The following GRK5 variants were observed in gnomAD, a reference collection of about 807,000 sequenced individuals.
GRK5 encodes the protein g protein-coupled receptor kinase GRK5.
A neutral mutation model predicts 78.4 loss-of-function variants in GRK5; 40 were observed. The ratio of observed to expected loss-of-function variants is 0.51; its 90% CI spans 0.40 to 0.66. GRK5 has a LOEUF of 0.66. GRK5 is among the 30% of genes least tolerant of loss of function. The pLI, the probability that GRK5 is intolerant of heterozygous loss-of-function variation, is 0.00. For missense variants in GRK5, 598 were observed against 759.9 expected (o/e 0.79, Z 2.50); for synonymous variants, 289 against 296.8 (o/e 0.97, Z 0.27).
intron 1 of GRK5, among the ~76,000 whole-genome samples, chr10:119,241,212 C>T (rs562212575): frequency 3.5e-4 from 53 of 152,254 alleles, no homozygotes; most frequent in African/African-American, 1.2e-3. Context: ...CATCTATCCC[C>T]GGGGCTTCTG....
chr10:119,323,897 T>A (rs917902427), intron 1 of GRK5, among the ~76,000 whole-genome samples: 10 of 152,140 alleles, frequency 6.6e-5, no homozygotes, highest in Admixed American at 1.3e-4. Flanking sequence ...TTCTTGTGCC[T>A]TTGTGTCCTC....
intron 1 of GRK5, among the ~76,000 whole-genome samples, chr10:119,290,229 C>T (rs1345122798): frequency 2.6e-5 from 4 of 151,772 alleles, no homozygotes; most frequent in Admixed American, 2.6e-4. Flanking sequence ...TGCCTGTAGT[C>T]CCGGTGACTC....
At chr10:119,250,517 AT>A (rs5788333) in intron 1 of GRK5, among the ~76,000 whole-genome samples, 100 of 136,026 alleles carry the variant, frequency 7.4e-4, no homozygotes, top group African/African-American at 2.4e-3. Flanking sequence ...CCTCATTTAA[AT>A]TTTTTTTTTT....
At chr10:119,306,471 G>A (rs544275817) in intron 1 of GRK5, among the ~76,000 whole-genome samples, 1 of 152,286 alleles carries the variant, frequency 6.6e-6, no homozygotes, top group South Asian at 2.1e-4. Flanking sequence ...GAGCCACTGA[G>A]CCATTCCAGG....
At chr10:119,354,030 T>A in intron 2 of GRK5, among the ~76,000 whole-genome samples, 1 of 151,454 alleles carries the variant, frequency 6.6e-6, no homozygotes, top group East Asian at 1.9e-4. Context: ...TGGGGATGTT[T>A]GATATATATG....
intron 1 of GRK5, among the ~76,000 whole-genome samples, chr10:119,285,228 G>T (rs1277333862): frequency 6.6e-6 from 1 of 152,178 alleles, no homozygotes; most frequent in South Asian, 2.1e-4. Context: ...CTTTGGTGGA[G>T]GTAGGGGGAG....
In GRK5 at chr10:119,452,651, C is replaced by G; in HGVS notation, c.1405-20C>G. On this transcript the variant is annotated intron_variant, in intron 13 of 15. Transcript: ENST00000392870. This position sits in a 1 kb window ranked among gnomAD's most constrained non-coding sequence, Gnocchi z 4.4. ...GCCGCAGGCGGGACATATGTGTGAC[C>G]GGCCCTCTGCCCCTGGCAGCCCCGC... is the stretch of plus-strand genomic sequence containing the variant. The G allele has an allele frequency of 6.2e-7, 1 of 1,613,500 alleles. No homozygotes were observed. Among genetic ancestry groups the G allele is most frequent in the Non-Finnish European group, 8.5e-7 (1 of 1,179,908 alleles).
chr10:119,307,559 A>T (rs1036089336), intron 1 of GRK5, among the ~76,000 whole-genome samples: 30 of 152,100 alleles, frequency 2.0e-4, no homozygotes, highest in African/African-American at 6.3e-4. Flanking sequence ...CAAGGAATAG[A>T]GGTGGCCTGT....
At chr10:119,223,344 G>GAAATAAAGTCACATTC (rs2133712855) in intron 1 of GRK5, among the ~76,000 whole-genome samples, 1 of 152,296 alleles carries the variant, frequency 6.6e-6, no homozygotes, top group Admixed American at 6.5e-5. Flanking sequence ...GGTACCGGGG[G>GAAATAAAGTCACATTC]TTAGGACTTC....
intron 1 of GRK5, among the ~76,000 whole-genome samples, chr10:119,230,769 T>C (rs917683340): frequency 2.1e-5 from 3 of 139,572 alleles, no homozygotes; most frequent in Non-Finnish European, 4.5e-5. Context: ...CCAGGGATGC[T>C]GCAGTGAGCT....
intron 1 of GRK5, among the ~76,000 whole-genome samples, chr10:119,219,388 A>T (rs1301856083): frequency 6.6e-6 from 1 of 152,190 alleles, no homozygotes; most frequent in Non-Finnish European, 1.5e-5. Flanking sequence ...TCTTTGCAAC[A>T]TTTTGGATTT....
chr10:119,361,314 G>C (rs1270962842), intron 2 of GRK5, among the ~76,000 whole-genome samples: 1 of 152,214 alleles, frequency 6.6e-6, no homozygotes, highest in Non-Finnish European at 1.5e-5. Flanking sequence ...TGGATGTCTG[G>C]TGGTCTTCGC....
Position 119,380,907 on chromosome 10 carries a change from ATTC to A in GRK5, c.242_244del (p.Ile81_Gln82delinsLys). ...AACCAGGCCTGGGCTGGAGTGTTAC[ATTC>A]AGTTCCTGGACTCCGTGGTAAGTTC... On this transcript the variant is annotated inframe_deletion, in exon 3 of 16. Coordinates refer to ENST00000392870, the MANE Select transcript of GRK5 (RefSeq NM_005308.3). 1 of 1,611,826 alleles carries A rather than the reference ATTC, an allele frequency of 6.2e-7. No homozygotes were observed. The highest frequency in any genetic ancestry group is 1.1e-5 in the South Asian group (1 of 91,002).
intron 4 of GRK5, among the ~76,000 whole-genome samples, chr10:119,400,098 G>C (rs7908252): frequency 0.85 from 128,949 of 152,276 alleles, 54,897 homozygotes; most frequent in East Asian, 1. Flanking sequence ...GAGTCCGTTG[G>C]CCTCACCTGG....
rs1322577678 is a variant in GRK5 at position 119,455,054 on chromosome 10, C to G, written c.1760C>G (p.Thr587Ser). 1 of 1,613,580 alleles carries G rather than the reference C, an allele frequency of 6.2e-7. No individual in the cohort carries two copies. The change falls in exon 16 of 16, where the codon ACC becomes AGC. Residue 587 changes from threonine (T) to serine (S), a missense_variant. Physicochemically the swap from Thr to Ser is moderately conservative, Grantham distance 58. Coordinates refer to ENST00000392870, the MANE Select transcript of GRK5 (RefSeq NM_005308.3). The stretch of plus-strand genomic sequence containing the variant: ...TCAAACCATGTCAGCTCGAACTCCA[C>G]CGGAAGCAGCTAGTTTCGGCTCTGG... ...INSNHVSSNS[T>S]GSS
In GRK5 at chr10:119,412,328, C is replaced by A. The variant is rs1044198005; in HGVS notation, c.340-10838C>A. Among the ~76,000 whole-genome samples, 2 of 152,196 alleles carry A rather than the reference C, an allele frequency of 1.3e-5. No homozygotes were observed. Among genetic ancestry groups the A allele is most frequent in the African/African-American group, 4.8e-5 (2 of 41,456 alleles). ...TGGCAGGGCTGTGCCTGGCACGGTG[C>A]CCGGGCCGTGCAGTCCATCGCCTGG... On this transcript the variant is annotated intron_variant, in intron 4 of 15. Coordinates refer to ENST00000392870, the MANE Select transcript of GRK5 (RefSeq NM_005308.3). The surrounding 1 kb of genome is among the most constrained non-coding windows in gnomAD (Gnocchi z 4.3).
At chr10:119,339,187 G>A (rs2133781501) in intron 2 of GRK5, among the ~76,000 whole-genome samples, 1 of 152,306 alleles carries the variant, frequency 6.6e-6, no homozygotes, top group South Asian at 2.1e-4. Flanking sequence ...CAGTCAGCAG[G>A]TGTGAGAAGG....
rs550153038 is a variant in GRK5, at chr10:119,379,268, A to G, written c.149-1547A>G. ...CCGTCCGCAGTTTACAGACTAGACA[A>G]CTGAGGGGCAGTGTCAAGCCTGTTG... On this transcript the variant is annotated intron_variant, in intron 2 of 15. Transcript: ENST00000392870. This position sits in a 1 kb window ranked among gnomAD's most constrained non-coding sequence, Gnocchi z 4.1. Among the ~76,000 whole-genome samples the G allele has an allele frequency of 1.3e-5, 2 of 152,188 alleles. No individual in the cohort carries two copies. The highest frequency in any genetic ancestry group is 4.8e-5 in the African/African-American group (2 of 41,434).
At chr10:119,249,634 A>G (rs1849169141) in intron 1 of GRK5, among the ~76,000 whole-genome samples, 1 of 152,054 alleles carries the variant, frequency 6.6e-6, no homozygotes, top group Non-Finnish European at 1.5e-5. Flanking sequence ...AGTAGCTGGG[A>G]CTACAGGTGC....
Sources: gnomAD v4.1 joint callset for allele counts (sites outside exome capture counted in the v4.1 genomes callset) on GRCh38, gnomAD v4.1.1 for gene constraint, Gnocchi (gnomAD v3.1) non-coding constraint, MANE v1.5 for transcripts, NCBI Gene and HGNC (gene_info 2026-07-23, HGNC 2026-07-21) for gene names.